Variants in TMEM132B observed in about 807,000 individuals in gnomAD.
The protein encoded by TMEM132B is transmembrane protein 132B.
In TMEM132B, 18 loss-of-function variants were observed where a neutral mutation model predicts 90.8. The ratio of observed to expected loss-of-function variants is 0.20; its 90% CI spans 0.14 to 0.29. TMEM132B has a LOEUF of 0.29. Ranked by LOEUF, TMEM132B falls within the 10% of genes least tolerant of loss-of-function variation. The pLI is 1.00. For missense variants in TMEM132B, 1,096 were observed against 1,326.8 expected, an observed-to-expected ratio of 0.83 and a Z score of 2.70; for synonymous variants, 504 against 523.3, an observed-to-expected ratio of 0.96 and a Z score of 0.50.
In TMEM132B at chr12:125,415,707, G is replaced by C; in HGVS notation, c.1106+30G>C. 1.2e-6 allele frequency: 2 copies of C among 1,611,334 alleles called. No individual in the cohort carries two copies. Among genetic ancestry groups the C allele is most frequent in the South Asian group, 2.2e-5 (2 of 90,632 alleles). On this transcript the variant is annotated intron_variant, in intron 3 of 8. Transcript: ENST00000682704. This position sits in a 1 kb window ranked among gnomAD's most constrained non-coding sequence, Gnocchi z 5.3. ...GCATGGAGATCCCCAAGGCACCTCC[G>C]CAGTGGGGAGGAGGGGAGTGGCTGC...
At chr12:125,350,498 C>A (rs911990688) in intron 2 of TMEM132B, among the ~76,000 whole-genome samples, 155 bp downstream of exon 2, 1 of 152,198 alleles carries the variant, frequency 6.6e-6, no homozygotes, top group Non-Finnish European at 1.5e-5. Context: ...TATTCAGTAA[C>A]TACGGACAGT....
chr12:125,431,831 G>T (rs868610657), intron 3 of TMEM132B, among the ~76,000 whole-genome samples: 1 of 152,190 alleles, frequency 6.6e-6, no homozygotes, highest in East Asian at 1.9e-4. Flanking sequence ...CAGAAGGCTC[G>T]TGGTGGGTGG....
intron 3 of TMEM132B, among the ~76,000 whole-genome samples, chr12:125,486,605 G>T: frequency 6.6e-6 from 1 of 152,154 alleles, no homozygotes; most frequent in East Asian, 1.9e-4. Context: ...GGCCTGCAAG[G>T]CTGTGACAAT....
chr12:125,403,489 T>C (rs1879377796), intron 2 of TMEM132B, among the ~76,000 whole-genome samples: 1 of 152,256 alleles, frequency 6.6e-6, no homozygotes, highest in African/African-American at 2.4e-5. Flanking sequence ...GTTTTAGATA[T>C]TGTAATTTTT....
At chr12:125,576,852 G>A (rs1193730474) in intron 4 of TMEM132B, among the ~76,000 whole-genome samples, 3 of 151,690 alleles carry the variant, frequency 2.0e-5, no homozygotes, top group East Asian at 3.9e-4. Context: ...TTAAAAAAAT[G>A]TTGCTTGCAT....
intron 2 of TMEM132B, among the ~76,000 whole-genome samples, chr12:125,404,305 A>G (rs1294810264): frequency 6.6e-6 from 1 of 152,174 alleles, no homozygotes; most frequent in Non-Finnish European, 1.5e-5. Context: ...TATGAAATAA[A>G]TGGATCTACT....
chr12:125,604,618 AAAAT>A (rs1301339976), intron 5 of TMEM132B, among the ~76,000 whole-genome samples: 1 of 152,240 alleles, frequency 6.6e-6, no homozygotes, highest in African/African-American at 2.4e-5. Context: ...TAAAATAAAA[AAAAT>A]AAATAAATTG....
intron 4 of TMEM132B, among the ~76,000 whole-genome samples, chr12:125,533,679 C>T (rs952897028): frequency 3.3e-5 from 5 of 152,276 alleles, no homozygotes; most frequent in Non-Finnish European, 7.4e-5. Flanking sequence ...CTCCCCTCCC[C>T]GGCGGAGGCT....
chr12:125,506,058 T>C (rs368679015), intron 3 of TMEM132B, among the ~76,000 whole-genome samples: 2 of 152,360 alleles, frequency 1.3e-5, no homozygotes, highest in South Asian at 2.1e-4. Context: ...CAAAGAGATA[T>C]ATATGAATGT....
chr12:125,192,309 A>G (rs775381540), intron 1 of TMEM132B, among the ~76,000 whole-genome samples: 1 of 152,216 alleles, frequency 6.6e-6, no homozygotes, highest in Non-Finnish European at 1.5e-5. Flanking sequence ...TGTCTGTCCC[A>G]GAGTTGGTTC....
At chr12:125,293,794 C>T (rs1875602132) in intron 1 of TMEM132B, among the ~76,000 whole-genome samples, 1 of 152,158 alleles carries the variant, frequency 6.6e-6, no homozygotes, top group South Asian at 2.1e-4. Flanking sequence ...GACATTCCAC[C>T]CCTTGAGAGG....
rs112260541 is a variant in TMEM132B, at chr12:125,594,731, T to C, written c.1437+10737T>C. Among the ~76,000 whole-genome samples the C allele has an allele frequency of 4.2e-3, 636 of 152,340 alleles. 3 individuals are homozygous for C. The highest frequency in any genetic ancestry group is 0.015 in the African/African-American group (619 of 41,580). ...AAATTAGGTTATTGTAAAAACATTATTGAGTCTTGAGAGTTGTTTTTATAT... is the reference window on the plus strand; with the variant it reads ...AAATTAGGTTATTGTAAAAACATTACTGAGTCTTGAGAGTTGTTTTTATAT... On this transcript the variant is annotated intron_variant, in intron 5 of 8. Coordinates refer to ENST00000682704, the MANE Select transcript of TMEM132B (RefSeq NM_001366854.1).
intron 5 of TMEM132B, among the ~76,000 whole-genome samples, chr12:125,641,564 T>A (rs992433120): frequency 6.6e-6 from 1 of 152,200 alleles, no homozygotes; most frequent in Non-Finnish European, 1.5e-5. Flanking sequence ...CAAAAGATAG[T>A]CAACATAAAG....
intron 4 of TMEM132B, among the ~76,000 whole-genome samples, chr12:125,560,956 C>T (rs1884510807): frequency 6.7e-6 from 1 of 148,380 alleles, no homozygotes; most frequent in East Asian, 2.0e-4. Flanking sequence ...TTGTGGAAGA[C>T]AGTGTGGCAA....
At chr12:125,516,337 A>G (rs182801738) in intron 3 of TMEM132B, among the ~76,000 whole-genome samples, 2 of 152,374 alleles carry the variant, frequency 1.3e-5, no homozygotes, top group Admixed American at 1.3e-4. Flanking sequence ...AGGCTTATCA[A>G]GACTAGATCA....
In TMEM132B at chr12:125,246,545, T is replaced by C. The variant is rs532835038; in HGVS notation, c.67+59679T>C. 3.3e-5 allele frequency among the ~76,000 whole-genome samples: 5 copies of C among 152,310 alleles called. No homozygotes were observed. Among genetic ancestry groups the C allele is most frequent in the Non-Finnish European group, 5.9e-5 (4 of 68,024 alleles). The stretch of plus-strand genomic sequence containing the variant: ...GCATTTGGAAGCCCTTATTAAGTGA[T>C]TCCCGTTTGCTTCGGCATGAATGCA... On this transcript the variant is annotated intron_variant, in intron 1 of 8. Coordinates refer to ENST00000682704, the MANE Select transcript of TMEM132B (RefSeq NM_001366854.1). The surrounding 1 kb of genome is among the most constrained non-coding windows in gnomAD (Gnocchi z 4.2).
intron 4 of TMEM132B, among the ~76,000 whole-genome samples, chr12:125,568,715 G>A (rs1459108551): frequency 1.3e-5 from 2 of 152,154 alleles, no homozygotes. Context: ...TCACTTTGTA[G>A]GTCACAATGG....
intron 4 of TMEM132B, among the ~76,000 whole-genome samples, chr12:125,568,553 AC>A (rs1488274740): frequency 1.3e-5 from 2 of 152,158 alleles, no homozygotes; most frequent in Non-Finnish European, 2.9e-5. Context: ...ACAGATCATC[AC>A]AGCCTCACTC....
chr12:125,598,847 C>T (rs548394496), intron 5 of TMEM132B, among the ~76,000 whole-genome samples: 1 of 152,154 alleles, frequency 6.6e-6, no homozygotes, highest in East Asian at 1.9e-4. Context: ...AGGGGGTGTG[C>T]TGGTTCTTAG....
Sources: allele counts gnomAD v4.1 joint callset (sites outside exome capture counted in the v4.1 genomes callset), GRCh38; gene constraint gnomAD v4.1.1; non-coding constraint Gnocchi (gnomAD v3.1); transcripts MANE v1.5; gene names NCBI Gene and HGNC (gene_info 2026-07-23, HGNC 2026-07-21).